Variants in KLHL24 observed in about 807,000 individuals in gnomAD.
KLHL24 encodes the protein kelch-like protein 24.
A neutral mutation model predicts 53.4 loss-of-function variants in KLHL24; 29 were observed. The observed-to-expected ratio is 0.54, with a 90% CI of 0.40 to 0.74. KLHL24 has a LOEUF of 0.74. Ranked by LOEUF, KLHL24 falls within the 30% of genes least tolerant of loss-of-function variation. The pLI, the probability that KLHL24 is intolerant of heterozygous loss-of-function variation, is 0.00. For missense variants in KLHL24, 504 were observed against 744.0 expected (o/e 0.68, Z 3.75); for synonymous variants, 222 against 253.7 (o/e 0.88, Z 1.19).
chr3:183,666,159 T>A (rs6796766), intron 5 of KLHL24, among the ~76,000 whole-genome samples: 1 of 152,032 alleles, frequency 6.6e-6, no homozygotes, highest in African/African-American at 2.4e-5. Context: ...GGGATTATAG[T>A]TATGAGCCAC....
At chr3:183,662,536 T>G (rs1297399196) in intron 3 of KLHL24, among the ~76,000 whole-genome samples, 1 of 152,224 alleles carries the variant, frequency 6.6e-6, no homozygotes, top group African/African-American at 2.4e-5. Flanking sequence ...TAAAGAATTT[T>G]AAAATTCCTA....
chr3:183,660,566 G>C (rs895201318), intron 3 of KLHL24, among the ~76,000 whole-genome samples: 1 of 152,038 alleles, frequency 6.6e-6, no homozygotes, highest in Non-Finnish European at 1.5e-5. Context: ...AGTAAGATGA[G>C]CATCTTTGGT....
intron 3 of KLHL24, among the ~76,000 whole-genome samples, chr3:183,662,733 G>A (rs1324020833): frequency 6.6e-5 from 10 of 152,144 alleles, no homozygotes; most frequent in Admixed American, 6.5e-4. Context: ...TTGGAAATTT[G>A]TAATGATAGA....
intron 2 of KLHL24, among the ~76,000 whole-genome samples, chr3:183,644,368 G>A (rs1048586196): frequency 2.0e-5 from 3 of 152,144 alleles, no homozygotes; most frequent in African/African-American, 7.2e-5. Flanking sequence ...CATAGGAAGT[G>A]TTTACATTTG....
At chr3:183,641,080 T>C (rs1319731811) in intron 1 of KLHL24, among the ~76,000 whole-genome samples, 1 of 152,226 alleles carries the variant, frequency 6.6e-6, no homozygotes, top group African/African-American at 2.4e-5. Flanking sequence ...TTATGATTTT[T>C]AAAAAGTCAT....
intron 1 of KLHL24, chr3:183,636,820 G>GTGCGGGAGGCGCGCGCTCCCGCCCCTGC (rs1715326607): frequency 6.6e-6 from 1 of 151,774 alleles, no homozygotes; most frequent in African/African-American, 2.4e-5. Context: ...GGTGGCGCGG[G>GTGCGGGAGGCGCGCGCTCCCGCCCCTGC]TGCGGGAGGC....
At chr3:183,661,840 A>C (rs1271760976) in intron 3 of KLHL24, among the ~76,000 whole-genome samples, 1 of 152,192 alleles carries the variant, frequency 6.6e-6, no homozygotes, top group Non-Finnish European at 1.5e-5. Flanking sequence ...ATTAAGACAG[A>C]AGTGATTTAA....
Position 183,684,426 on chromosome 3 carries a change from C to G in KLHL24, c.*5140C>G, listed in dbSNP as rs1321579690. The G allele has an allele frequency of 6.6e-6, 1 of 152,596 alleles. No homozygotes were observed. The highest frequency in any genetic ancestry group is 1.5e-5 in the Non-Finnish European group (1 of 68,018). The allele number at this position is 152,596 out of a possible 1,614,324, so 9.5% of individuals were successfully genotyped here. ...ATGTTTTGTTTAAATATACTTCTTG[C>G]ATAGTTTAATTTTTTAAAAGTTGTA... On this transcript the variant is annotated 3_prime_UTR_variant, in exon 8 of 8. Transcript: ENST00000242810.
At chr3:183,651,583 C>T (rs1718122690) in intron 3 of KLHL24, among the ~76,000 whole-genome samples, 1 of 152,188 alleles carries the variant, frequency 6.6e-6, no homozygotes, top group South Asian at 2.1e-4. Flanking sequence ...AACCATTCCA[C>T]TTTTCTTTCC....
chr3:183,644,690 AG>A (rs1169382334), intron 2 of KLHL24, among the ~76,000 whole-genome samples: 1 of 152,218 alleles, frequency 6.6e-6, no homozygotes, highest in Non-Finnish European at 1.5e-5. Context: ...TAGCATAAAA[AG>A]ACAGACCCTT....
chr3:183,672,195 T>A (rs1340302041), intron 6 of KLHL24, 101 bp from the exon 7 acceptor site: 1 of 566,184 alleles, frequency 1.8e-6, no homozygotes, highest in Non-Finnish European at 2.8e-6. Flanking sequence ...ATTAATAGGA[T>A]TTTATTTTAA....
At position 183,638,146 on chromosome 3, in the gene KLHL24, GA is replaced by G. The variant is rs574968189; in HGVS notation, c.-125+2354del. Among the ~76,000 whole-genome samples, 20 of 152,308 alleles carry G rather than the reference GA, an allele frequency of 1.3e-4. No homozygotes were observed. The South Asian group carries it at 2.5e-3, about 19-fold the overall frequency. The stretch of plus-strand genomic sequence containing the variant: ...TTGAGAGTATTTAATGTATCTAAAT[GA>G]GTACAAAATGCAATCGTCTAACCTT... On this transcript the variant is annotated intron_variant, in intron 1 of 7. Coordinates refer to ENST00000242810, the MANE Select transcript of KLHL24 (RefSeq NM_017644.3).
At chr3:183,652,668 A>G in intron 3 of KLHL24, among the ~76,000 whole-genome samples, 1 of 151,994 alleles carries the variant, frequency 6.6e-6, no homozygotes, top group Non-Finnish European at 1.5e-5. Flanking sequence ...CGGAATGTTA[A>G]AAGTCAGCAT....
intron 1 of KLHL24, among the ~76,000 whole-genome samples, chr3:183,640,761 G>A (rs1289148248): frequency 3.3e-5 from 5 of 151,742 alleles, no homozygotes; most frequent in African/African-American, 4.8e-5. Context: ...CACCACACCC[G>A]GCTAATTTTT....
rs547384376 is a variant in KLHL24, at chr3:183,678,923, C to T, written c.1603-163C>T. ...ATTTCATTCATGCAAAGTTGTCCAG[C>T]GCTTACACAGAACACAGAGAGCAGA... On this transcript the variant is annotated intron_variant, in intron 7 of 7. Coordinates refer to ENST00000242810, the MANE Select transcript of KLHL24 (RefSeq NM_017644.3). Among the ~76,000 whole-genome samples the T allele has an allele frequency of 0.03, 3,806 of 125,014 alleles. 169 individuals are homozygous for T. The highest frequency in any genetic ancestry group is 0.15 in the African/African-American group (3,607 of 24,162). 82.0% of individuals were successfully genotyped at this position (125,014 alleles called of 152,430 possible).
chr3:183,644,523 AT>A (rs1234371444), intron 2 of KLHL24, among the ~76,000 whole-genome samples: 2 of 152,208 alleles, frequency 1.3e-5, no homozygotes, highest in African/African-American at 4.8e-5. Flanking sequence ...GTAAACAAAT[AT>A]CTCATTGCTG....
rs983329353 is a variant in KLHL24, at chr3:183,681,937, A to G, written c.*2651A>G. 1.3e-5 allele frequency: 2 copies of G among 152,336 alleles called. No homozygotes were observed. Among genetic ancestry groups the G allele is most frequent in the Non-Finnish European group, 2.9e-5 (2 of 67,972 alleles). 9.4% of individuals were successfully genotyped at this position (152,336 alleles called of 1,614,324 possible). A position where few individuals can be genotyped will look rare whatever the true frequency, so the allele number is the denominator to read the frequency against. On this transcript the variant is annotated 3_prime_UTR_variant, in exon 8 of 8. Transcript: ENST00000242810. The stretch of plus-strand genomic sequence containing the variant: ...ATGTATGTAGATAGTATGGTTGTAT[A>G]CACACATATATACCAAACACCATGA...
chr3:183,659,719 AATATATG>A (rs369422946), intron 3 of KLHL24, among the ~76,000 whole-genome samples: 50,671 of 151,910 alleles, frequency 0.33, 9,245 homozygotes, highest in African/African-American at 0.49. Context: ...CTGGCAGAAT[AATATATG>A]TGGCAGAAAC....
In KLHL24 at chr3:183,663,768, A is replaced by C. The variant is rs1270523031; in HGVS notation, c.1105+126A>C. On this transcript the variant is annotated intron_variant, in intron 4 of 7. Coordinates refer to ENST00000242810, the MANE Select transcript of KLHL24 (RefSeq NM_017644.3). This position sits in a 1 kb window ranked among gnomAD's most constrained non-coding sequence, Gnocchi z 4.9. ...ACTTGAGGAAGATCAGTTTACAACA[A>C]ATAAAACCAAGAATGACTTTTTGCT... 5.5e-6 allele frequency: 3 copies of C among 542,460 alleles called. No homozygotes were observed. The highest frequency in any genetic ancestry group is 8.8e-6 in the Non-Finnish European group (3 of 339,062). 33.6% of individuals were successfully genotyped at this position (542,460 alleles called of 1,614,324 possible).
Sources: allele counts gnomAD v4.1 joint callset (sites outside exome capture counted in the v4.1 genomes callset), GRCh38; gene constraint gnomAD v4.1.1; non-coding constraint Gnocchi (gnomAD v3.1); transcripts MANE v1.5; gene names NCBI Gene and HGNC (gene_info 2026-07-23, HGNC 2026-07-21).